The following VAT1L variants were observed in gnomAD, a reference collection of about 807,000 sequenced individuals.
VAT1L encodes putative NADPH-dependent quinone oxidoreductase VAT1L.
Under a neutral mutation model 44.1 loss-of-function variants are expected in VAT1L, and 34 were observed. The observed-to-expected ratio is 0.77, with a 90% CI of 0.59 to 1.03. The LOEUF is 1.03. Ranked by LOEUF, VAT1L falls within the 50% of genes least tolerant of loss-of-function variation. The pLI, the probability that VAT1L is intolerant of heterozygous loss-of-function variation, is 0.00. For synonymous variants in VAT1L, 253 were observed against 202.2 expected, an observed-to-expected ratio of 1.25 and a Z score of -2.13; for missense variants, 615 against 538.8, an observed-to-expected ratio of 1.14 and a Z score of -1.40.
At chr16:77,949,776 C>G (rs1038023209) in intron 7 of VAT1L, among the ~76,000 whole-genome samples, 2 of 152,130 alleles carry the variant, frequency 1.3e-5, no homozygotes, top group Admixed American at 1.3e-4. Flanking sequence ...ACTCTTTTTT[C>G]TTTAAAAATT....
At chr16:77,855,687 C>G (rs1023906292) in intron 3 of VAT1L, among the ~76,000 whole-genome samples, 2 of 152,120 alleles carry the variant, frequency 1.3e-5, no homozygotes, top group Non-Finnish European at 2.9e-5. Flanking sequence ...ATAAATAACT[C>G]GTTTATATTT....
chr16:77,911,014 C>T (rs1327236353), intron 7 of VAT1L, among the ~76,000 whole-genome samples: 1 of 152,156 alleles, frequency 6.6e-6, no homozygotes, highest in Non-Finnish European at 1.5e-5. Context: ...GGATCTGAAC[C>T]CATGCAACCT....
At chr16:77,972,041 T>C (rs1191003132) in intron 8 of VAT1L, 108 bp downstream of exon 8, 57 of 1,015,374 alleles carry the variant, frequency 5.6e-5, no homozygotes, top group Non-Finnish European at 8.3e-5. Context: ...GCCTGTGGGC[T>C]AGTGGAGGAG....
Position 77,970,051 on chromosome 16 carries a change from T to TAA in VAT1L, c.1078-1776_1078-1775dup, listed in dbSNP as rs36120858. ...CAACATGGCAAAACCACATCTCTACTAAAAAAAAAAAAAAAAAAAAAAAAG... is the reference window on the plus strand; with the variant it reads ...CAACATGGCAAAACCACATCTCTACTAAAAAAAAAAAAAAAAAAAAAAAAAAG... On this transcript the variant is annotated intron_variant, in intron 7 of 8. Coordinates refer to ENST00000302536, the MANE Select transcript of VAT1L (RefSeq NM_020927.3). Among the ~76,000 whole-genome samples, 604 of 86,722 alleles carry TAA rather than the reference T, an allele frequency of 7.0e-3. 2 individuals carry two copies. Among genetic ancestry groups the TAA allele is most frequent in the Middle Eastern group, 0.015 (2 of 136 alleles). 56.9% of individuals were successfully genotyped at this position (86,722 alleles called of 152,430 possible).
chr16:77,832,172 G>C (rs2016587245), intron 3 of VAT1L, among the ~76,000 whole-genome samples: 1 of 151,768 alleles, frequency 6.6e-6, no homozygotes, highest in Non-Finnish European at 1.5e-5. Flanking sequence ...AGCAATGTCA[G>C]GTGTTGGCAT....
intron 1 of VAT1L, among the ~76,000 whole-genome samples, chr16:77,796,152 T>A (rs548757392): frequency 6.6e-6 from 1 of 152,282 alleles, no homozygotes; most frequent in South Asian, 2.1e-4. Context: ...TAAGTCTTAT[T>A]TGCTTTACTT....
intron 8 of VAT1L, among the ~76,000 whole-genome samples, chr16:77,976,617 G>C (rs942437634): frequency 1.3e-5 from 2 of 152,284 alleles, no homozygotes; most frequent in East Asian, 1.9e-4. Flanking sequence ...AGAAATCTGA[G>C]GCACAGATCA....
rs1042989221 is a variant in VAT1L at position 77,879,029 on chromosome 16, C to T, written c.827-140C>T. The stretch of plus-strand genomic sequence containing the variant: ...AACTTTATGCCTCATTCTCATTCCC[C>T]TCACTTTGCCAAGGCTTAATTAAAT... On this transcript the variant is annotated intron_variant, in intron 5 of 8. Coordinates refer to ENST00000302536, the MANE Select transcript of VAT1L (RefSeq NM_020927.3). The surrounding 1 kb of genome is among the most constrained non-coding windows in gnomAD (Gnocchi z 4.1). 9.3e-6 allele frequency: 7 copies of T among 751,056 alleles called. No individual in the cohort carries two copies. In the African/African-American group the frequency reaches 1.1e-4, roughly 11 times the overall value. 46.5% of individuals were successfully genotyped at this position (751,056 alleles called of 1,614,324 possible). A position where few individuals can be genotyped will look rare whatever the true frequency, so the allele number is the denominator to read the frequency against.
chr16:77,971,864 G>A lies in VAT1L; in HGVS notation c.1092G>A (p.Met364Ile), dbSNP rs756130411. 11 of 1,613,690 alleles carry A rather than the reference G, an allele frequency of 6.8e-6. No individual in the cohort carries two copies. Among genetic ancestry groups the A allele is most frequent in the Non-Finnish European group, 8.5e-7 (1 of 1,179,840 alleles). The change falls in exon 8 of 9, where the codon ATG (methionine) becomes ATA (isoleucine). Residue 364 changes from methionine to isoleucine, a missense_variant. Met to Ile is a conservative substitution (Grantham distance 10). Coordinates refer to ENST00000302536, the MANE Select transcript of VAT1L (RefSeq NM_020927.3). The stretch of plus-strand genomic sequence containing the variant: ...TTTTCGCGCAGGTGAAGGAGGCCAT[G>A]CAGCGGATTCACGACCGAGGGAACA... ...LWALEEVKEA[M>I]QRIHDRGNIG...
At chr16:77,852,464 C>A (rs920502671) in intron 3 of VAT1L, among the ~76,000 whole-genome samples, 7 of 152,176 alleles carry the variant, frequency 4.6e-5, no homozygotes, top group Non-Finnish European at 8.8e-5. Context: ...CAGATCACTT[C>A]ACGAACATGT....
At chr16:77,948,770 T>G (rs1597116337) in intron 7 of VAT1L, among the ~76,000 whole-genome samples, 1 of 152,220 alleles carries the variant, frequency 6.6e-6, no homozygotes, top group South Asian at 2.1e-4. Flanking sequence ...CTCTTTGACA[T>G]ACTATGTTTA....
intron 2 of VAT1L, among the ~76,000 whole-genome samples, chr16:77,820,474 AG>A (rs1362353486): frequency 6.6e-6 from 1 of 152,194 alleles, no homozygotes; most frequent in African/African-American, 2.4e-5. Context: ...CGAGCTCTGT[AG>A]GGGTGTTTCC....
intron 7 of VAT1L, among the ~76,000 whole-genome samples, chr16:77,943,049 C>G (rs965213780): frequency 1.1e-4 from 16 of 147,216 alleles, no homozygotes; most frequent in Admixed American, 2.7e-4. Context: ...CCAGCCCACC[C>G]TGTATTCTTT....
At chr16:77,949,751 G>A (rs1320997693) in intron 7 of VAT1L, among the ~76,000 whole-genome samples, 1 of 152,180 alleles carries the variant, frequency 6.6e-6, no homozygotes, top group Non-Finnish European at 1.5e-5. Context: ...AGCCTCCACA[G>A]TCATGGACCA....
chr16:77,910,877 T>G (rs1010771195), intron 7 of VAT1L, among the ~76,000 whole-genome samples: 3 of 152,174 alleles, frequency 2.0e-5, no homozygotes, highest in African/African-American at 7.2e-5. Context: ...CTAAGAGCAT[T>G]ACGACAGTAC....
intron 2 of VAT1L, among the ~76,000 whole-genome samples, chr16:77,818,205 C>G (rs1306726439): frequency 2.0e-5 from 3 of 152,128 alleles, no homozygotes; most frequent in African/African-American, 7.2e-5. Flanking sequence ...CCAAAATGCC[C>G]TTGAAATTGA....
intron 7 of VAT1L, among the ~76,000 whole-genome samples, chr16:77,903,323 T>C (rs990671373): frequency 6.6e-6 from 1 of 152,200 alleles, no homozygotes; most frequent in Non-Finnish European, 1.5e-5. Context: ...TCTTTTTCAT[T>C]TGGAGTCCAA....
intron 7 of VAT1L, among the ~76,000 whole-genome samples, chr16:77,921,846 C>G (rs1223039668): frequency 2.6e-5 from 4 of 151,242 alleles, no homozygotes; most frequent in Admixed American, 6.6e-5. Flanking sequence ...CAGGCTCAAG[C>G]AATCCTCCCA....
At chr16:77,881,039 A>T (rs1471862123) in intron 6 of VAT1L, among the ~76,000 whole-genome samples, 16 of 152,202 alleles carry the variant, frequency 1.1e-4, no homozygotes, top group African/African-American at 3.9e-4. Context: ...TGCTATTGTG[A>T]ATAGAATGGC....
Sources: allele counts gnomAD v4.1 joint callset (sites outside exome capture counted in the v4.1 genomes callset), GRCh38; gene constraint gnomAD v4.1.1; non-coding constraint Gnocchi (gnomAD v3.1); transcripts MANE v1.5; gene names NCBI Gene and HGNC (gene_info 2026-07-23, HGNC 2026-07-21).